Variants in RBFOX1 observed in about 807,000 individuals in gnomAD.
RBFOX1 encodes RNA binding protein fox-1 homolog 1.
Under a neutral mutation model 57.7 loss-of-function variants are expected in RBFOX1, and 8 were observed. That is an observed-to-expected ratio of 0.14 (90% CI 0.08 to 0.25). RBFOX1 has a LOEUF of 0.25. Ranked by LOEUF, RBFOX1 falls within the 10% of genes least tolerant of loss-of-function variation. The pLI, the probability that RBFOX1 is intolerant of heterozygous loss-of-function variation, is 1.00. For missense variants in RBFOX1, 611 were observed against 548.5 expected (o/e 1.11, Z -1.14); for synonymous variants, 326 against 222.4 (o/e 1.47, Z -4.15).
intron 4 of RBFOX1, among the ~76,000 whole-genome samples, chr16:7,285,782 A>G (rs977476198): frequency 1.3e-5 from 2 of 152,188 alleles, no homozygotes; most frequent in Admixed American, 6.5e-5. Context: ...CCATTCATCT[A>G]TTGATGGACA....
At chr16:7,247,113 G>A (rs1664045959) in intron 4 of RBFOX1, among the ~76,000 whole-genome samples, 1 of 152,130 alleles carries the variant, frequency 6.6e-6, no homozygotes, top group African/African-American at 2.4e-5. Context: ...CAGGTCAGCT[G>A]GCCCTCAAGT....
At chr16:6,541,775 A>C (rs965824134) in intron 2 of RBFOX1, among the ~76,000 whole-genome samples, 1 of 152,162 alleles carries the variant, frequency 6.6e-6, no homozygotes. Flanking sequence ...ACTGGACATA[A>C]ATATGAGGAC....
At chr16:7,276,157 T>C (rs1603473942) in intron 4 of RBFOX1, among the ~76,000 whole-genome samples, 1 of 152,334 alleles carries the variant, frequency 6.6e-6, no homozygotes. Flanking sequence ...GATTCTGAAA[T>C]ACCCCTTGGA....
At chr16:7,678,333 G>C (rs1290642179) in intron 14 of RBFOX1, among the ~76,000 whole-genome samples, 2 of 152,076 alleles carry the variant, frequency 1.3e-5, no homozygotes, top group Admixed American at 1.3e-4. Flanking sequence ...GGGTCAATAA[G>C]ACTAATAAAA....
intron 3 of RBFOX1, among the ~76,000 whole-genome samples, chr16:6,747,711 A>G (rs1387536875): frequency 1.3e-5 from 2 of 152,138 alleles, no homozygotes; most frequent in Non-Finnish European, 2.9e-5. Flanking sequence ...AAGCAGAAAT[A>G]TGTCTTCTGG....
chr16:6,559,255 T>C (rs1599820155), intron 2 of RBFOX1, among the ~76,000 whole-genome samples: 1 of 152,212 alleles, frequency 6.6e-6, no homozygotes, highest in South Asian at 2.1e-4. Flanking sequence ...ACCAAAAGTG[T>C]CTAATTAGAC....
chr16:6,838,007 C>CA (rs1056192192), intron 3 of RBFOX1, among the ~76,000 whole-genome samples: 1 of 114,254 alleles, frequency 8.8e-6, no homozygotes, highest in African/African-American at 4.4e-5. Flanking sequence ...AGTTACCACC[C>CA]CTTTTTTTTT....
chr16:6,921,167 C>T (rs1477533757), intron 3 of RBFOX1, among the ~76,000 whole-genome samples: 1 of 152,186 alleles, frequency 6.6e-6, no homozygotes, highest in Non-Finnish European at 1.5e-5. Context: ...TGGTGATATT[C>T]ATCTTAACTA....
At chr16:5,881,547 G>C (rs776463248) in intron 4 of RBFOX1, among the ~76,000 whole-genome samples, 4 of 152,134 alleles carry the variant, frequency 2.6e-5, no homozygotes, top group Non-Finnish European at 5.9e-5. Flanking sequence ...GGGTGTGGTG[G>C]CACATGCTTA....
At chr16:5,695,832 T>C in intron 3 of RBFOX1, among the ~76,000 whole-genome samples, 1 of 152,192 alleles carries the variant, frequency 6.6e-6, no homozygotes. Flanking sequence ...TAGAATGTAA[T>C]AGATATGTTA....
At chr16:7,427,914 A>G (rs1312938853) in intron 4 of RBFOX1, among the ~76,000 whole-genome samples, 1 of 152,166 alleles carries the variant, frequency 6.6e-6, no homozygotes, top group Non-Finnish European at 1.5e-5. Context: ...TTGGCCTCCT[A>G]AAGTGCTCAG....
chr16:6,262,407 T>G (rs909010366), intron 1 of RBFOX1, among the ~76,000 whole-genome samples: 1 of 151,712 alleles, frequency 6.6e-6, no homozygotes, highest in Non-Finnish European at 1.5e-5. Flanking sequence ...GGGTGGTGAG[T>G]GTGCCCTGCT....
chr16:7,362,247 ATTT>A (rs1291941345), intron 4 of RBFOX1, among the ~76,000 whole-genome samples: 1 of 143,994 alleles, frequency 6.9e-6, no homozygotes, highest in African/African-American at 2.6e-5. Context: ...GTGTTAGTAT[ATTT>A]TTTGTTAGTA....
At chr16:5,787,861 T>C (rs2054558659) in intron 3 of RBFOX1, among the ~76,000 whole-genome samples, 1 of 152,172 alleles carries the variant, frequency 6.6e-6, no homozygotes, top group African/African-American at 2.4e-5. Context: ...TGCATTGCAA[T>C]TGCAGTGTTC....
intron 4 of RBFOX1, among the ~76,000 whole-genome samples, chr16:7,284,694 T>C (rs542707576): frequency 5.6e-4 from 86 of 152,324 alleles, no homozygotes; most frequent in Non-Finnish European, 1.0e-3. Context: ...TTTCGGTGTT[T>C]AATCCTGGAT....
At chr16:5,986,562 G>A (rs970339561) in intron 4 of RBFOX1, among the ~76,000 whole-genome samples, 12 of 152,066 alleles carry the variant, frequency 7.9e-5, no homozygotes, top group Non-Finnish European at 1.8e-4. Context: ...CTCCTGTCAC[G>A]TGTTACCACT....
intron 1 of RBFOX1, among the ~76,000 whole-genome samples, chr16:5,374,934 A>C (rs553487657): frequency 1.3e-5 from 2 of 152,140 alleles, no homozygotes; most frequent in Non-Finnish European, 2.9e-5. Context: ...TGTGTTTACT[A>C]TCCAGCCTTC....
chr16:7,573,215 G>C (rs543626768), intron 5 of RBFOX1, among the ~76,000 whole-genome samples: 1 of 152,024 alleles, frequency 6.6e-6, no homozygotes, highest in South Asian at 2.1e-4. Context: ...GCAAAGGGCA[G>C]AATGAATGCA....
At chr16:6,671,822 C>A (rs2098766969) in intron 3 of RBFOX1, among the ~76,000 whole-genome samples, 1 of 152,152 alleles carries the variant, frequency 6.6e-6, no homozygotes, top group African/African-American at 2.4e-5. Context: ...GAGTAGTATT[C>A]CATCGAATCA....
Sources: gnomAD v4.1 joint callset for allele counts (sites outside exome capture counted in the v4.1 genomes callset) on GRCh38, gnomAD v4.1.1 for gene constraint, MANE v1.5 for transcripts, NCBI Gene and HGNC (gene_info 2026-07-23, HGNC 2026-07-21) for gene names.